The following DTD1 variants were observed in gnomAD, a reference collection of about 807,000 sequenced individuals.
DTD1 encodes the protein D-aminoacyl-tRNA deacylase 1.
DTD1 carries 13 observed loss-of-function variants against 25.6 expected under a neutral mutation model. The observed-to-expected ratio is 0.51, with a 90% CI of 0.33 to 0.81. The LOEUF (loss-of-function observed/expected upper bound fraction) is 0.81, where lower values mean the gene tolerates loss of function less well. Among genes scored for constraint, DTD1 ranks in the 30% least tolerant of loss-of-function variants. The pLI is 0.02. For missense variants in DTD1, 193 were observed against 266.4 expected, an observed-to-expected ratio of 0.72 and a Z score of 1.92; for synonymous variants, 110 against 103.6, an observed-to-expected ratio of 1.06 and a Z score of -0.37.
rs73120734 is a variant in DTD1, at chr20:18,749,495, T to A, written c.*19+5224T>A. Among the ~76,000 whole-genome samples the A allele has an allele frequency of 0.038, 5,772 of 152,218 alleles. 143 individuals are homozygous for A. Among genetic ancestry groups the A allele is most frequent in the Non-Finnish European group, 0.06 (4,084 of 67,986 alleles). The stretch of plus-strand genomic sequence containing the variant: ...AGCTTCATTAGGAGGTTGGGGGTCA[T>A]GGCCTCAGCTCTTCATAGCACTGAC... On this transcript the variant is annotated intron_variant, in intron 5 of 5. Coordinates refer to ENST00000377452, the MANE Select transcript of DTD1 (RefSeq NM_080820.6). This position sits in a 1 kb window ranked among gnomAD's most constrained non-coding sequence, Gnocchi z 4.2.
chr20:18,675,158 G>C (rs1050624681), intron 4 of DTD1: 1 of 152,268 alleles, frequency 6.6e-6, no homozygotes, highest in African/African-American at 2.4e-5. Context: ...GCTGGCTGTG[G>C]GCAGGAGGCC....
In DTD1 at chr20:18,764,253, G is replaced by C. The variant is rs142546501; in HGVS notation, c.*913G>C. ...AGGCCTCAGCATGGCGGGTGGTGCAGATACCCTTTATCCAGTAGCTACATG... is the reference window on the plus strand; with the variant it reads ...AGGCCTCAGCATGGCGGGTGGTGCACATACCCTTTATCCAGTAGCTACATG... On this transcript the variant is annotated 3_prime_UTR_variant, in exon 6 of 6. Coordinates refer to ENST00000377452, the MANE Select transcript of DTD1 (RefSeq NM_080820.6). 3 of 152,330 alleles carry C rather than the reference G, an allele frequency of 2.0e-5. No individual in the cohort carries two copies. The highest frequency in any genetic ancestry group is 2.9e-5 in the Non-Finnish European group (2 of 68,066). The allele number at this position is 152,330 out of a possible 1,614,324, so 9.4% of individuals were successfully genotyped here. A position where few individuals can be genotyped will look rare whatever the true frequency, so the allele number is the denominator to read the frequency against.
intron 4 of DTD1, among the ~76,000 whole-genome samples, chr20:18,637,823 A>G (rs2060813170): frequency 6.6e-6 from 1 of 152,222 alleles, no homozygotes; most frequent in Non-Finnish European, 1.5e-5. Context: ...AATGAATTGT[A>G]GACTAGTTTC....
At chr20:18,744,402 C>T in intron 5 of DTD1, 131 bp downstream of exon 5, 2 of 1,004,998 alleles carry the variant, frequency 2.0e-6, no homozygotes, top group Non-Finnish European at 1.4e-6. Context: ...AATCTGCTGC[C>T]TTCCAGGATG....
chr20:18,611,083 A>G (rs1056090807), intron 3 of DTD1: 5 of 152,240 alleles, frequency 3.3e-5, no homozygotes, highest in African/African-American at 1.2e-4. Flanking sequence ...GTAGGTGGCA[A>G]TGCCTTAACC....
intron 4 of DTD1, among the ~76,000 whole-genome samples, chr20:18,724,702 T>TTTCATTTTTC (rs1253793377): frequency 3.3e-5 from 5 of 152,254 alleles, no homozygotes; most frequent in African/African-American, 1.2e-4. Context: ...TTGTATACAC[T>TTTCATTTTTC]TTCATTTTTC....
intron 3 of DTD1, 27 bp downstream of exon 3, chr20:18,596,268 C>T (rs1884875): frequency 6.2e-7 from 1 of 1,600,712 alleles, no homozygotes; most frequent in Non-Finnish European, 8.5e-7. Flanking sequence ...CATCCAGGAA[C>T]GGGTCTTTGG....
intron 4 of DTD1, among the ~76,000 whole-genome samples, chr20:18,680,863 C>T (rs2060994185): frequency 6.6e-6 from 1 of 152,054 alleles, no homozygotes; most frequent in South Asian, 2.1e-4. Context: ...AAATGGTTCC[C>T]TGAATGAGTG....
At chr20:18,716,614 T>C (rs1268717890) in intron 4 of DTD1, among the ~76,000 whole-genome samples, 3 of 152,204 alleles carry the variant, frequency 2.0e-5, no homozygotes, top group Non-Finnish European at 4.4e-5. Context: ...CTTTTAAAAA[T>C]AGTAAGATAG....
chr20:18,743,761 A>G (rs1436414316), intron 4 of DTD1, among the ~76,000 whole-genome samples: 4 of 152,166 alleles, frequency 2.6e-5, no homozygotes, highest in Non-Finnish European at 5.9e-5. Context: ...TATCAAAGAA[A>G]AAAGTAAGAG....
At chr20:18,728,964 G>T (rs915293372) in intron 4 of DTD1, among the ~76,000 whole-genome samples, 13 of 152,210 alleles carry the variant, frequency 8.5e-5, no homozygotes, top group Non-Finnish European at 4.4e-5. Flanking sequence ...TGGGAGCTGG[G>T]CACAGCAGCT....
intron 4 of DTD1, among the ~76,000 whole-genome samples, chr20:18,676,184 GGGGTA>G (rs1304449177): frequency 6.6e-6 from 1 of 152,110 alleles, no homozygotes; most frequent in Non-Finnish European, 1.5e-5. Context: ...CTGTAATGCT[GGGGTA>G]GAGAATGCAG....
At chr20:18,710,972 G>A (rs2061156285) in intron 4 of DTD1, among the ~76,000 whole-genome samples, 1 of 152,204 alleles carries the variant, frequency 6.6e-6, no homozygotes, top group African/African-American at 2.4e-5. Flanking sequence ...TCCTATGACA[G>A]TACTTGAATT....
intron 4 of DTD1, among the ~76,000 whole-genome samples, chr20:18,634,357 A>G (rs1398899593): frequency 6.6e-6 from 1 of 152,214 alleles, no homozygotes; most frequent in Non-Finnish European, 1.5e-5. Flanking sequence ...CCTGGGGCCT[A>G]GGGCCCACTT....
At chr20:18,759,825 C>A (rs935242053) in intron 5 of DTD1, among the ~76,000 whole-genome samples, 3 of 152,144 alleles carry the variant, frequency 2.0e-5, no homozygotes, top group African/African-American at 2.4e-5. Flanking sequence ...TATCCTGCAG[C>A]ATGTTTTCCA....
At chr20:18,598,995 A>G (rs2060622942) in intron 3 of DTD1, among the ~76,000 whole-genome samples, 1 of 152,068 alleles carries the variant, frequency 6.6e-6, no homozygotes, top group South Asian at 2.1e-4. Flanking sequence ...ACTTAGTAGT[A>G]TGCATTTAAC....
At chr20:18,609,205 A>G (rs2060676404) in intron 3 of DTD1, among the ~76,000 whole-genome samples, 1 of 151,682 alleles carries the variant, frequency 6.6e-6, no homozygotes, top group Non-Finnish European at 1.5e-5. Context: ...CAGTGGTACG[A>G]GATCTCCGCT....
At chr20:18,591,951 AT>A (rs1365896897) in intron 1 of DTD1, among the ~76,000 whole-genome samples, 1 of 152,240 alleles carries the variant, frequency 6.6e-6, no homozygotes, top group Non-Finnish European at 1.5e-5. Context: ...AGAAGAAAAG[AT>A]TTAAAAAATT....
chr20:18,600,620 T>C (rs2060629957), intron 3 of DTD1, among the ~76,000 whole-genome samples: 1 of 152,186 alleles, frequency 6.6e-6, no homozygotes, highest in African/African-American at 2.4e-5. Flanking sequence ...TTAGAATCAG[T>C]TTGTTGATAT....
Sources: allele counts gnomAD v4.1 joint callset (sites outside exome capture counted in the v4.1 genomes callset), GRCh38; gene constraint gnomAD v4.1.1; non-coding constraint Gnocchi (gnomAD v3.1); transcripts MANE v1.5; gene names NCBI Gene and HGNC (gene_info 2026-07-23, HGNC 2026-07-21).